The following CTNND2 variants were observed in gnomAD, a reference collection of about 807,000 sequenced individuals.
CTNND2 encodes catenin delta-2.
Under a neutral mutation model 144.4 loss-of-function variants are expected in CTNND2, and 22 were observed. The observed-to-expected ratio is 0.15, with a 90% CI of 0.11 to 0.22. The LOEUF is 0.22. Among genes scored for constraint, CTNND2 ranks in the 10% least tolerant of loss-of-function variants. The pLI is 1.00. For missense variants in CTNND2, 1,353 were observed against 1,618.8 expected (o/e 0.84, Z 2.82); for synonymous variants, 751 against 695.6 (o/e 1.08, Z -1.25).
intron 10 of CTNND2, among the ~76,000 whole-genome samples, chr5:11,223,989 C>G (rs1000662864): frequency 6.6e-6 from 1 of 152,086 alleles, no homozygotes; most frequent in African/African-American, 2.4e-5. Flanking sequence ...CTCATCTGTC[C>G]CATCTATTGG....
At chr5:11,550,571 A>T (rs1469704599) in intron 3 of CTNND2, among the ~76,000 whole-genome samples, 1 of 152,232 alleles carries the variant, frequency 6.6e-6, no homozygotes, top group Non-Finnish European at 1.5e-5. Context: ...AGACAAAGGA[A>T]TAATGTGTGA....
intron 12 of CTNND2, among the ~76,000 whole-genome samples, chr5:11,127,478 G>A (rs1232044524): frequency 6.6e-6 from 1 of 152,228 alleles, no homozygotes; most frequent in African/African-American, 2.4e-5. Context: ...ATGCATTCAA[G>A]TCCCTTACAA....
intron 11 of CTNND2, among the ~76,000 whole-genome samples, chr5:11,181,349 A>G (rs1760973349): frequency 6.6e-6 from 1 of 152,048 alleles, no homozygotes; most frequent in Non-Finnish European, 1.5e-5. Flanking sequence ...CTTACCTACT[A>G]CCTCATAGCT....
intron 1 of CTNND2, among the ~76,000 whole-genome samples, chr5:11,890,290 G>A (rs1736857386): frequency 6.6e-6 from 1 of 152,040 alleles, no homozygotes; most frequent in South Asian, 2.1e-4. Context: ...ATATCCTCCT[G>A]CCACAAAAAC....
chr5:11,451,848 C>T (rs1191599907), intron 3 of CTNND2, among the ~76,000 whole-genome samples: 1 of 152,156 alleles, frequency 6.6e-6, no homozygotes, highest in African/African-American at 2.4e-5. Context: ...ATAACACATT[C>T]TTTCATTAAA....
At chr5:11,660,001 G>A (rs2126563703) in intron 2 of CTNND2, among the ~76,000 whole-genome samples, 3 of 152,242 alleles carry the variant, frequency 2.0e-5, no homozygotes, top group Middle Eastern at 6.8e-3. Context: ...GTAGTGAGAA[G>A]ACAGGATGAA....
intron 2 of CTNND2, among the ~76,000 whole-genome samples, chr5:11,578,413 A>G (rs893088165): frequency 1.3e-5 from 2 of 152,098 alleles, no homozygotes; most frequent in African/African-American, 4.8e-5. Flanking sequence ...CTGTAATCCT[A>G]GCACTTTGGG....
chr5:11,774,561 T>A (rs7723177), intron 1 of CTNND2, among the ~76,000 whole-genome samples: 48,090 of 116,806 alleles, frequency 0.41, 12,207 homozygotes, highest in African/African-American at 0.63. Context: ...AAAAAAAAAT[T>A]AAAAAAAAAA....
chr5:11,188,514 A>G (rs141575335), intron 11 of CTNND2, among the ~76,000 whole-genome samples: 2 of 152,314 alleles, frequency 1.3e-5, no homozygotes, highest in Non-Finnish European at 2.9e-5. Flanking sequence ...TGGGCTTAAT[A>G]CCTAGATGAT....
At chr5:11,827,527 T>C (rs912443654) in intron 1 of CTNND2, among the ~76,000 whole-genome samples, 3 of 152,070 alleles carry the variant, frequency 2.0e-5, no homozygotes, top group East Asian at 1.9e-4. Context: ...AACAATAAAA[T>C]TGATACATCA....
In CTNND2 at chr5:11,008,482, G is replaced by A. The variant is rs112834083; in HGVS notation, c.3084+9492C>T. Among the ~76,000 whole-genome samples the A allele has an allele frequency of 4.0e-3, 609 of 152,324 alleles. 6 individuals are homozygous for A. Among genetic ancestry groups the A allele is most frequent in the African/African-American group, 0.012 (503 of 41,580 alleles). On this transcript the variant is annotated intron_variant, in intron 18 of 21. Transcript: ENST00000304623. The stretch of plus-strand genomic sequence containing the variant: ...AGCCAAGGAATGCAGGCAGCCTTTA[G>A]AAGCTGGAAAAGGCAAGGAAACAGA...
chr5:11,397,292 T>C, intron 5 of CTNND2, 89 bp from the exon 6 acceptor site: 1 of 1,086,318 alleles, frequency 9.2e-7, no homozygotes, highest in Non-Finnish European at 1.3e-6. Flanking sequence ...CCTAGAATTA[T>C]CTCATGCACA....
intron 2 of CTNND2, among the ~76,000 whole-genome samples, chr5:11,713,999 A>G (rs1001162440): frequency 6.6e-6 from 1 of 152,194 alleles, no homozygotes; most frequent in East Asian, 1.9e-4. Flanking sequence ...CGTAGCCTCG[A>G]CAACAAGTTC....
chr5:11,162,934 T>C (rs59994842), intron 11 of CTNND2, among the ~76,000 whole-genome samples: 227 of 99,674 alleles, frequency 2.3e-3, no homozygotes, highest in African/African-American at 0.011. Flanking sequence ...CACACACACA[T>C]GTCTTGACTG....
chr5:11,849,293 TC>T (rs879508012), intron 1 of CTNND2, among the ~76,000 whole-genome samples: 5 of 151,964 alleles, frequency 3.3e-5, no homozygotes, highest in Non-Finnish European at 7.4e-5. Context: ...TTCAATTATC[TC>T]CCACCAGGTC....
At position 11,240,794 on chromosome 5, in the gene CTNND2, C is replaced by A. The variant is rs546571784; in HGVS notation, c.1629-3971G>T. The stretch of plus-strand genomic sequence containing the variant: ...TACATTCAGCACACACACCCCCAAC[C>A]CCCACACACCCAACACACACATACA... On this transcript the variant is annotated intron_variant, in intron 9 of 21. Transcript: ENST00000304623. 7.3e-3 allele frequency among the ~76,000 whole-genome samples: 993 copies of A among 135,662 alleles called. 15 individuals are homozygous for A. The highest frequency in any genetic ancestry group is 0.026 in the African/African-American group (925 of 36,028). The allele number at this position is 135,662 out of a possible 152,430, so 89.0% of individuals were successfully genotyped here. A position where few individuals can be genotyped will look rare whatever the true frequency, so the allele number is the denominator to read the frequency against.
intron 1 of CTNND2, among the ~76,000 whole-genome samples, chr5:11,863,421 G>A (rs1795595222): frequency 6.6e-6 from 1 of 152,080 alleles, no homozygotes; most frequent in Non-Finnish European, 1.5e-5. Flanking sequence ...CTTAGCTTAG[G>A]AACCAATTAT....
At chr5:11,482,211 A>G (rs1158269078) in intron 3 of CTNND2, among the ~76,000 whole-genome samples, 5 of 152,128 alleles carry the variant, frequency 3.3e-5, no homozygotes, top group African/African-American at 7.2e-5. Context: ...GCACACTGCT[A>G]TTCATGGCAT....
At chr5:11,654,211 C>T (rs1782797154) in intron 2 of CTNND2, among the ~76,000 whole-genome samples, 1 of 151,854 alleles carries the variant, frequency 6.6e-6, no homozygotes, top group Non-Finnish European at 1.5e-5. Flanking sequence ...CTCAAGATTG[C>T]TTTGCTCTTC....
Sources: gnomAD v4.1 joint callset for allele counts (sites outside exome capture counted in the v4.1 genomes callset) on GRCh38, gnomAD v4.1.1 for gene constraint, MANE v1.5 for transcripts, NCBI Gene and HGNC (gene_info 2026-07-23, HGNC 2026-07-21) for gene names.